Variants in SNX29 observed in about 807,000 individuals in gnomAD.
SNX29 encodes the protein sorting nexin-29.
A neutral mutation model predicts 102.1 loss-of-function variants in SNX29; 78 were observed. The observed-to-expected ratio is 0.76, with a 90% CI of 0.64 to 0.92. The LOEUF is 0.92. Ranked by LOEUF, SNX29 falls within the 40% of genes least tolerant of loss-of-function variation. The probability of loss-of-function intolerance (pLI) is 0.00; values close to 1 mark genes in which losing one functional copy is unlikely to be tolerated. For synonymous variants in SNX29, 580 were observed against 414.5 expected, an observed-to-expected ratio of 1.40 and a Z score of -4.85; for missense variants, 1,280 against 1,061.7, an observed-to-expected ratio of 1.21 and a Z score of -2.86.
chr16:12,228,175 C>A (rs1056587384), intron 14 of SNX29, among the ~76,000 whole-genome samples: 2 of 152,264 alleles, frequency 1.3e-5, no homozygotes, highest in South Asian at 4.2e-4. Flanking sequence ...GGCCCCCAGC[C>A]GAGCTGTAGA....
chr16:12,107,421 CT>C (rs1312643844), intron 11 of SNX29, among the ~76,000 whole-genome samples: 1 of 150,938 alleles, frequency 6.6e-6, no homozygotes, highest in East Asian at 1.9e-4. Flanking sequence ...AATCCCAGCA[CT>C]GTAGGAGGTT....
chr16:12,119,497 T>C (rs954385247), intron 11 of SNX29, among the ~76,000 whole-genome samples: 3 of 152,242 alleles, frequency 2.0e-5, no homozygotes, highest in African/African-American at 7.2e-5. Context: ...CCCATTCCCA[T>C]GAGTGCCTCA....
intron 14 of SNX29, among the ~76,000 whole-genome samples, chr16:12,204,264 A>G (rs751167809): frequency 6.6e-6 from 1 of 152,170 alleles, no homozygotes; most frequent in African/African-American, 2.4e-5. Context: ...TCATTCCGCC[A>G]GCCTCCCCTG....
intron 18 of SNX29, among the ~76,000 whole-genome samples, chr16:12,432,095 G>A (rs556440587): frequency 9.1e-4 from 139 of 152,338 alleles, no homozygotes; most frequent in African/African-American, 3.2e-3. Flanking sequence ...TGGTGATGGT[G>A]GAGGGGACGA....
chr16:12,420,587 G>A (rs564432602), intron 18 of SNX29, among the ~76,000 whole-genome samples: 70 of 152,196 alleles, frequency 4.6e-4, no homozygotes, highest in Non-Finnish European at 8.7e-4. Flanking sequence ...TGTATGTGCT[G>A]TGAAGTTTCT....
intron 9 of SNX29, among the ~76,000 whole-genome samples, chr16:12,067,280 C>T (rs1276951218): frequency 1.3e-5 from 2 of 151,922 alleles, no homozygotes; most frequent in African/African-American, 4.8e-5. Flanking sequence ...AAGGTTAAAA[C>T]AATTTTTTTT....
intron 18 of SNX29, among the ~76,000 whole-genome samples, chr16:12,442,129 A>G (rs2085835352): frequency 6.6e-6 from 1 of 152,074 alleles, no homozygotes; most frequent in Non-Finnish European, 1.5e-5. Flanking sequence ...GCTTCATTTT[A>G]TTGTGGATAC....
At chr16:12,004,514 G>A (rs1248688415) in intron 3 of SNX29, among the ~76,000 whole-genome samples, 2 of 152,130 alleles carry the variant, frequency 1.3e-5, no homozygotes, top group Non-Finnish European at 2.9e-5. Flanking sequence ...CTCAGTCAGA[G>A]CTGATCCTTG....
At chr16:12,361,335 G>A (rs970604092) in intron 16 of SNX29, among the ~76,000 whole-genome samples, 3 of 152,344 alleles carry the variant, frequency 2.0e-5, no homozygotes, top group Middle Eastern at 6.8e-3. Context: ...AGTGTCAGGT[G>A]GTAAATGGTA....
chr16:12,327,200 G>A (rs764560066), intron 15 of SNX29, among the ~76,000 whole-genome samples: 3 of 152,258 alleles, frequency 2.0e-5, no homozygotes, highest in South Asian at 2.1e-4. Flanking sequence ...GTCTTGGTCA[G>A]TATCAGTGAA....
intron 11 of SNX29, among the ~76,000 whole-genome samples, chr16:12,115,747 C>T (rs905282963): frequency 1.3e-5 from 2 of 152,196 alleles, no homozygotes; most frequent in African/African-American, 4.8e-5. Flanking sequence ...GAACCTGGTC[C>T]TTTGGCGGGT....
intron 13 of SNX29, among the ~76,000 whole-genome samples, chr16:12,152,181 GT>G (rs1173217939): frequency 1.3e-5 from 2 of 151,900 alleles, no homozygotes; most frequent in Non-Finnish European, 2.9e-5. Flanking sequence ...AGACTGTGCC[GT>G]TGCACTCCAG....
chr16:12,568,330 C>T (rs527601825), intron 20 of SNX29, among the ~76,000 whole-genome samples, 176 bp from the exon 21 acceptor site: 7 of 140,304 alleles, frequency 5.0e-5, no homozygotes, highest in East Asian at 4.6e-4. Context: ...GAAAGGTTTA[C>T]GTGACAATAG....
chr16:12,450,154 C>T (rs977527885), intron 18 of SNX29, among the ~76,000 whole-genome samples: 4 of 152,218 alleles, frequency 2.6e-5, no homozygotes, highest in African/African-American at 9.6e-5. Flanking sequence ...GCCTCCCCAG[C>T]CATGTAGAAC....
chr16:12,438,459 T>C (rs2085641332), intron 18 of SNX29, among the ~76,000 whole-genome samples: 1 of 152,166 alleles, frequency 6.6e-6, no homozygotes, highest in Admixed American at 6.5e-5. Flanking sequence ...ACCCCTTTAC[T>C]CTGGCAGACC....
chr16:12,275,668 G>GT (rs958377985), intron 14 of SNX29, among the ~76,000 whole-genome samples: 13 of 129,914 alleles, frequency 1.0e-4, no homozygotes, highest in Admixed American at 5.0e-4. Flanking sequence ...CTGTAATTTT[G>GT]TTTTTTTTGT....
rs1049654316 is a variant in SNX29, at chr16:12,572,877, G to C, written c.*4248G>C. On this transcript the variant is annotated 3_prime_UTR_variant, in exon 21 of 21. Coordinates refer to ENST00000566228, the MANE Select transcript of SNX29 (RefSeq NM_032167.5). ...CAGCCCTAAAGGTAATGATTGTCTT[G>C]ACTCTGCCTTGGCATTTCGCTCGGA... is the stretch of plus-strand genomic sequence containing the variant. 2.8e-6 allele frequency: 3 copies of C among 1,061,332 alleles called. No homozygotes were observed. Among genetic ancestry groups the C allele is most frequent in the East Asian group, 5.0e-5 (1 of 19,918 alleles). 65.7% of individuals were successfully genotyped at this position (1,061,332 alleles called of 1,614,324 possible).
In SNX29 at chr16:12,447,239, A is replaced by G. The variant is rs116768816; in HGVS notation, c.2038-30480A>G. Among the ~76,000 whole-genome samples, 1,241 of 150,866 alleles carry G rather than the reference A, an allele frequency of 8.2e-3. 20 individuals carry two copies. The highest frequency in any genetic ancestry group is 0.029 in the African/African-American group (1,178 of 41,150). On this transcript the variant is annotated intron_variant, in intron 18 of 20. Coordinates refer to ENST00000566228, the MANE Select transcript of SNX29 (RefSeq NM_032167.5). ...AGACCAGCACCATTTCTTAAATACA[A>G]ACTTTGATTCTGAAAGCATCCAGGC... is the stretch of plus-strand genomic sequence containing the variant.
chr16:12,298,221 A>T lies in SNX29; in HGVS notation c.1782+20185A>T, dbSNP rs183267787. On this transcript the variant is annotated intron_variant, in intron 15 of 20. Coordinates refer to ENST00000566228, the MANE Select transcript of SNX29 (RefSeq NM_032167.5). ...TTCAGTCATGGCATAATTGATGTGG[A>T]ATGATCAATTCAATGCTCAGTGAAT... Among the ~76,000 whole-genome samples, 366 of 152,306 alleles carry T rather than the reference A, an allele frequency of 2.4e-3. 1 individual carries two copies. Among genetic ancestry groups the T allele is most frequent in the African/African-American group, 8.1e-3 (336 of 41,574 alleles).
Sources: gnomAD v4.1 joint callset for allele counts (sites outside exome capture counted in the v4.1 genomes callset) on GRCh38, gnomAD v4.1.1 for gene constraint, MANE v1.5 for transcripts, NCBI Gene and HGNC (gene_info 2026-07-23, HGNC 2026-07-21) for gene names.